TMEM182: variants seen among roughly 807,000 people sequenced by gnomAD.
TMEM182 encodes transmembrane protein 182.
TMEM182 carries 20 observed loss-of-function variants against 26.8 expected under a neutral mutation model. That is an observed-to-expected ratio of 0.75 (90% CI 0.53 to 1.09). TMEM182 has a LOEUF of 1.09. TMEM182 is among the 50% of genes least tolerant of loss of function. TMEM182 has a pLI of 0.00. For synonymous variants in TMEM182, 109 were observed against 102.2 expected (o/e 1.07, Z -0.40); for missense variants, 277 against 275.5 (o/e 1.01, Z -0.04).
At chr2:102,765,144 A>G (rs1366395802) in intron 3 of TMEM182, among the ~76,000 whole-genome samples, 2 of 152,224 alleles carry the variant, frequency 1.3e-5, no homozygotes, top group Non-Finnish European at 2.9e-5. Flanking sequence ...AATATATATT[A>G]TATACACACA....
chr2:102,805,119 T>C (rs1171662926), intron 4 of TMEM182, among the ~76,000 whole-genome samples: 1 of 152,266 alleles, frequency 6.6e-6, no homozygotes, highest in Non-Finnish European at 1.5e-5. Context: ...AAAAGAGATG[T>C]GACGGCTTTT....
chr2:102,771,152 A>G (rs1039933746), intron 3 of TMEM182, among the ~76,000 whole-genome samples: 4 of 152,202 alleles, frequency 2.6e-5, no homozygotes, highest in African/African-American at 9.7e-5. Context: ...AAAACTATGC[A>G]CCACAAAATG....
chr2:102,828,532 T>G (rs1232388047), intron 3 of TMEM182, among the ~76,000 whole-genome samples: 2 of 152,224 alleles, frequency 1.3e-5, no homozygotes, highest in Non-Finnish European at 2.9e-5. Flanking sequence ...GGTTTTGACA[T>G]CTCTTCTGCT....
chr2:102,834,091 G>C (rs998869209), intron 3 of TMEM182, among the ~76,000 whole-genome samples: 5 of 152,158 alleles, frequency 3.3e-5, no homozygotes, highest in African/African-American at 1.2e-4. Context: ...TCTTGAGCAA[G>C]GATTCAGTGT....
Position 102,762,288 on chromosome 2 carries a change from C to G in TMEM182, c.71C>G (p.Ala24Gly). The G allele has an allele frequency of 6.2e-7, 1 of 1,613,796 alleles. No homozygotes were observed. The highest frequency in any genetic ancestry group is 8.5e-7 in the Non-Finnish European group (1 of 1,179,896). ...GALGVLLFLV[A>G]FGSDYWLLAT... is the part of the protein sequence containing the mutation. ...TTGGGGGTGTTACTCTTTTTGGTGGCTTTTGGATCGGATTATTGGCTTCTT... is the reference window on the plus strand; with the variant it reads ...TTGGGGGTGTTACTCTTTTTGGTGGGTTTTGGATCGGATTATTGGCTTCTT... Residue 24 changes from alanine (A) to glycine (G), a missense_variant, in exon 1 of 5, where the codon GCT becomes GGT. Transcript: ENST00000412401.
intron 3 of TMEM182, among the ~76,000 whole-genome samples, chr2:102,838,221 G>A (rs573748940): frequency 6.6e-6 from 1 of 152,330 alleles, no homozygotes; most frequent in Non-Finnish European, 1.5e-5. Flanking sequence ...TTGAGGGATA[G>A]CTATGTTGTT....
chr2:102,838,433 T>C (rs1027875750), intron 3 of TMEM182, among the ~76,000 whole-genome samples: 7 of 152,118 alleles, frequency 4.6e-5, no homozygotes, highest in African/African-American at 1.7e-4. Context: ...ATGGTACCGA[T>C]GTGAAGAGGG....
intron 3 of TMEM182, among the ~76,000 whole-genome samples, chr2:102,772,123 G>T (rs938218904): frequency 6.6e-6 from 1 of 152,164 alleles, no homozygotes; most frequent in African/African-American, 2.4e-5. Flanking sequence ...TTCATGCAGG[G>T]TATTCAAACC....
chr2:102,793,538 C>T (rs7607433), intron 3 of TMEM182, among the ~76,000 whole-genome samples: 25,485 of 152,044 alleles, frequency 0.17, 2,199 homozygotes, highest in East Asian at 0.22. Context: ...GGACCCATCC[C>T]CCTGAGGATA....
intron 3 of TMEM182, among the ~76,000 whole-genome samples, chr2:102,786,923 A>G (rs933934761): frequency 2.6e-5 from 4 of 152,216 alleles, no homozygotes; most frequent in African/African-American, 9.6e-5. Flanking sequence ...AGTGACTGGC[A>G]TTCAGTTAGC....
At chr2:102,832,353 AT>A (rs1683169377) in intron 3 of TMEM182, among the ~76,000 whole-genome samples, 1 of 152,238 alleles carries the variant, frequency 6.6e-6, no homozygotes, top group Non-Finnish European at 1.5e-5. Context: ...CATCACAGTC[AT>A]TTCACAATTC....
Position 102,762,136 on chromosome 2 carries a change from TTTG to T in TMEM182, c.-81_-79del. 2.8e-6 allele frequency: 3 copies of T among 1,083,770 alleles called. No individual in the cohort carries two copies. The highest frequency in any genetic ancestry group is 2.6e-6 in the Non-Finnish European group (2 of 759,562). 67.1% of individuals were successfully genotyped at this position (1,083,770 alleles called of 1,614,324 possible). On this transcript the variant is annotated 5_prime_UTR_variant, in exon 1 of 5. Transcript: ENST00000412401. ...AAAATATTATTCTTTTTTTTTTTTT[TTTG>T]CTGTTGTTTCTGAGAAACTAGGTGT... is the stretch of plus-strand genomic sequence containing the variant.
At chr2:102,742,855 A>G (rs1241398427) in intron 1 of TMEM182, among the ~76,000 whole-genome samples, 1 of 152,032 alleles carries the variant, frequency 6.6e-6, no homozygotes, top group African/African-American at 2.4e-5. Context: ...AAAAATAAAA[A>G]TTTTCTCAGG....
At chr2:102,790,263 T>G (rs2104713480) in intron 3 of TMEM182, among the ~76,000 whole-genome samples, 1 of 152,340 alleles carries the variant, frequency 6.6e-6, no homozygotes, top group Non-Finnish European at 1.5e-5. Flanking sequence ...GCAAGGCCCC[T>G]CTTAGAGGCC....
chr2:102,841,178 T>A (rs943072057), intron 3 of TMEM182, among the ~76,000 whole-genome samples: 4 of 152,176 alleles, frequency 2.6e-5, no homozygotes, highest in African/African-American at 9.7e-5. Flanking sequence ...GTCTGTGTCC[T>A]CTGCACGTGA....
At chr2:102,839,447 CTATATA>C (rs10691405) in intron 3 of TMEM182, among the ~76,000 whole-genome samples, 1,924 of 134,406 alleles carry the variant, frequency 0.014, 52 homozygotes, top group African/African-American at 0.051. Flanking sequence ...TGATGTTTTG[CTATATA>C]TATATATATA....
At chr2:102,741,436 A>C (rs1409099697) in intron 1 of TMEM182, among the ~76,000 whole-genome samples, 2 of 152,202 alleles carry the variant, frequency 1.3e-5, no homozygotes, top group Non-Finnish European at 2.9e-5. Flanking sequence ...AGCATTTAAC[A>C]ATACATCCAG....
chr2:102,745,036 G>A (rs551029847), intron 1 of TMEM182, among the ~76,000 whole-genome samples: 18 of 151,852 alleles, frequency 1.2e-4, no homozygotes, highest in African/African-American at 3.6e-4. Context: ...TAGAACTCTA[G>A]CAACACATTG....
At chr2:102,820,327 C>T (rs1682893997), downstream of TMEM182, among the ~76,000 whole-genome samples, 1 of 152,158 alleles carries the variant, frequency 6.6e-6, no homozygotes, top group Non-Finnish European at 1.5e-5. Context: ...TGCATACATG[C>T]TACTAGTCAC....
Sources: gnomAD v4.1 joint callset for allele counts (sites outside exome capture counted in the v4.1 genomes callset) on GRCh38, gnomAD v4.1.1 for gene constraint, MANE v1.5 for transcripts, NCBI Gene and HGNC (gene_info 2026-07-23, HGNC 2026-07-21) for gene names.